The following INO80 variants were observed in gnomAD, a reference collection of about 807,000 sequenced individuals.
INO80 encodes the protein chromatin-remodeling ATPase INO80.
Under a neutral mutation model 203.4 loss-of-function variants are expected in INO80, and 20 were observed. The observed-to-expected ratio is 0.10, with a 90% CI of 0.07 to 0.14. The LOEUF (loss-of-function observed/expected upper bound fraction) is 0.14, where lower values mean the gene tolerates loss of function less well. Ranked by LOEUF, INO80 falls within the 10% of genes least tolerant of loss-of-function variation. The pLI is 1.00. For missense variants in INO80, 1,419 were observed against 1,914.4 expected (o/e 0.74, Z 4.83); for synonymous variants, 726 against 685.2 (o/e 1.06, Z -0.93).
Position 40,979,795 on chromosome 15 carries a change from G to A in INO80, c.*428C>T. ...ACAATCTCCCTTACTAGCCCTATGAGAAATCACACTCTTAAGAGAAATCTC... is the reference window on the plus strand; with the variant it reads ...ACAATCTCCCTTACTAGCCCTATGAAAAATCACACTCTTAAGAGAAATCTC... On this transcript the variant is annotated 3_prime_UTR_variant, in exon 36 of 36. Coordinates refer to ENST00000648947, the MANE Select transcript of INO80 (RefSeq NM_017553.3). 4.9e-6 allele frequency: 1 copy of A among 205,404 alleles called. No individual in the cohort carries two copies. Among genetic ancestry groups the A allele is most frequent in the Admixed American group, 5.3e-5 (1 of 19,026 alleles). The allele number at this position is 205,404 out of a possible 1,614,324, so 12.7% of individuals were successfully genotyped here. A position where few individuals can be genotyped will look rare whatever the true frequency, so the allele number is the denominator to read the frequency against.
chr15:41,008,449 C>T (rs990788105), intron 27 of INO80, among the ~76,000 whole-genome samples: 1 of 151,924 alleles, frequency 6.6e-6, no homozygotes, highest in African/African-American at 2.4e-5. Flanking sequence ...AGATGTTGGT[C>T]AAAGGGTACA....
chr15:41,100,116 C>T (rs968870995), intron 1 of INO80, among the ~76,000 whole-genome samples: 4 of 151,880 alleles, frequency 2.6e-5, no homozygotes, highest in Non-Finnish European at 4.4e-5. Flanking sequence ...GTCTTGTAGC[C>T]GAGGCTGGAA....
chr15:40,989,971 G>A (rs936957636), intron 29 of INO80, among the ~76,000 whole-genome samples: 1 of 152,098 alleles, frequency 6.6e-6, no homozygotes, highest in Non-Finnish European at 1.5e-5. Context: ...AGCTCGCCCT[G>A]TTTTCTCTTG....
intron 24 of INO80, among the ~76,000 whole-genome samples, chr15:41,034,751 G>C (rs562260351): frequency 6.6e-6 from 1 of 152,092 alleles, no homozygotes; most frequent in Non-Finnish European, 1.5e-5. Flanking sequence ...TCTCTTCTCA[G>C]GTTTGTTGGC....
At chr15:41,098,253 T>C (rs1406460039) in intron 1 of INO80, among the ~76,000 whole-genome samples, 1 of 152,202 alleles carries the variant, frequency 6.6e-6, no homozygotes, top group Non-Finnish European at 1.5e-5. Flanking sequence ...GTGTAACTTC[T>C]AGAAAAACCA....
intron 13 of INO80, 48 bp from the exon 14 acceptor site, chr15:41,069,713 T>C: frequency 1.9e-6 from 2 of 1,048,170 alleles, no homozygotes; most frequent in Non-Finnish European, 2.9e-6. Context: ...AGGGAAGGTA[T>C]TTAATTCAAA....
chr15:41,050,239 T>C, intron 19 of INO80, 137 bp from the exon 20 acceptor site: 1 of 579,252 alleles, frequency 1.7e-6, no homozygotes, highest in Non-Finnish European at 3.0e-6. Context: ...TCTATAAACC[T>C]GTGAATGTGG....
intron 24 of INO80, among the ~76,000 whole-genome samples, chr15:41,032,251 T>C (rs2140492105): frequency 6.6e-6 from 1 of 152,356 alleles, no homozygotes; most frequent in South Asian, 2.1e-4. Context: ...CAAAATTAGC[T>C]TTCTACATCT....
At position 40,987,101 on chromosome 15, in the gene INO80, C is replaced by T; in HGVS notation, c.3822G>A (p.Leu1274=). The T allele has an allele frequency of 6.2e-7, 1 of 1,600,812 alleles. No individual in the cohort carries two copies. The highest frequency in any genetic ancestry group is 1.3e-5 in the African/African-American group (1 of 74,714). Residue 1274 remains leucine, a synonymous_variant, in exon 31 of 36, where the codon TTG becomes TTA. Transcript: ENST00000648947. The stretch of plus-strand genomic sequence containing the variant: ...GTTTAGAGTACATACGTTTCTTCTC[C>T]AACTCTTCGTCGTCTAGAAGAAGAC... ...VVSLLLDDEE[L]EKKLRLRQEE...
intron 24 of INO80, among the ~76,000 whole-genome samples, chr15:41,033,259 C>G (rs759574011): frequency 1.3e-5 from 2 of 151,956 alleles, no homozygotes; most frequent in Admixed American, 6.6e-5. Context: ...GGCATATTTA[C>G]GACAGGCTCT....
In INO80 at chr15:40,987,138, T is replaced by C. The variant is rs376769045; in HGVS notation, c.3785A>G (p.Lys1262Arg). 1.1e-5 allele frequency: 17 copies of C among 1,613,646 alleles called. No individual in the cohort carries two copies. The highest frequency in any genetic ancestry group is 1.0e-4 in the Admixed American group (6 of 59,996). The change falls in exon 31 of 36, where the codon AAA becomes AGA. Residue 1262 changes from lysine (K) to arginine (R), a missense_variant. This residue lies in a region of INO80 where 65 missense variants were observed against 186.7 expected (regional missense o/e 0.35). Coordinates refer to ENST00000648947, the MANE Select transcript of INO80 (RefSeq NM_017553.3). ...GTCTAGAAGAAGACTAACCACCTCT[T>C]TGGGTTTCAAGGTATCTGGTTTGAA... ...GNFKPDTLKP[K>R]EVVSLLLDDE...
chr15:40,979,891 C>T lies in INO80; in HGVS notation c.*332G>A, dbSNP rs539904372. 6.0e-6 allele frequency: 2 copies of T among 333,188 alleles called. No homozygotes were observed. The highest frequency in any genetic ancestry group is 1.1e-5 in the Non-Finnish European group (2 of 175,276). 20.6% of individuals were successfully genotyped at this position (333,188 alleles called of 1,614,324 possible). A position where few individuals can be genotyped will look rare whatever the true frequency, so the allele number is the denominator to read the frequency against. On this transcript the variant is annotated 3_prime_UTR_variant, in exon 36 of 36. Coordinates refer to ENST00000648947, the MANE Select transcript of INO80 (RefSeq NM_017553.3). Reference sequence around the variant, plus strand: ...ACGTGTCAGAGCCGAAGAGTGGAATCGGGATGGAAACAGTATGCCTGAGCA... The same window carrying T: ...ACGTGTCAGAGCCGAAGAGTGGAATTGGGATGGAAACAGTATGCCTGAGCA...
chr15:40,992,093 A>G (rs930570717), intron 29 of INO80, among the ~76,000 whole-genome samples: 1 of 152,200 alleles, frequency 6.6e-6, no homozygotes, highest in Non-Finnish European at 1.5e-5. Flanking sequence ...GAAAATTTCT[A>G]GAAGAACAAG....
chr15:41,033,816 C>A (rs2044528530), intron 24 of INO80, among the ~76,000 whole-genome samples: 1 of 152,090 alleles, frequency 6.6e-6, no homozygotes, highest in African/African-American at 2.4e-5. Context: ...CTCTGGGAGG[C>A]CAAGGCGGGA....
intron 27 of INO80, 46 bp downstream of exon 27, chr15:41,016,042 A>T (rs757453930): frequency 2.0e-6 from 3 of 1,531,870 alleles, no homozygotes; most frequent in Non-Finnish European, 2.7e-6. Context: ...GATTCCTACA[A>T]ATTAAATGTC....
At chr15:41,018,512 G>A (rs1342707240) in intron 26 of INO80, 1 of 152,226 alleles carries the variant, frequency 6.6e-6, no homozygotes, top group East Asian at 1.9e-4. Flanking sequence ...GTGGGGAAGG[G>A]AGAAGTGGAT....
At chr15:41,055,825 A>G (rs1031838592) in intron 17 of INO80, among the ~76,000 whole-genome samples, 1 of 152,068 alleles carries the variant, frequency 6.6e-6, no homozygotes, top group Non-Finnish European at 1.5e-5. Context: ...TCACTTATGT[A>G]TTGCCTATGG....
intron 24 of INO80, among the ~76,000 whole-genome samples, chr15:41,042,305 C>G (rs550358385): frequency 6.6e-6 from 1 of 152,082 alleles, no homozygotes; most frequent in Admixed American, 6.6e-5. Context: ...TAAGCCACCA[C>G]GCCCCACCTA....
Position 41,016,080 on chromosome 15 carries a change from T to C in INO80, c.3402+8A>G. ...GGTATCCTAGGTCCCCAAGATTCCC[T>C]CTCCTACCTCCAGTAGGTCTATCAT... is the stretch of plus-strand genomic sequence containing the variant. On this transcript the variant is annotated splice_region_variant and intron_variant, in intron 27 of 35. Coordinates refer to ENST00000648947, the MANE Select transcript of INO80 (RefSeq NM_017553.3). 1 of 1,608,412 alleles carries C rather than the reference T, an allele frequency of 6.2e-7. No homozygotes were observed. The highest frequency in any genetic ancestry group is 8.5e-7 in the Non-Finnish European group (1 of 1,176,548).
Sources: allele counts gnomAD v4.1 joint callset (sites outside exome capture counted in the v4.1 genomes callset), GRCh38; gene constraint gnomAD v4.1.1; regional missense constraint gnomAD v4.1.1; transcripts MANE v1.5; gene names NCBI Gene and HGNC (gene_info 2026-07-23, HGNC 2026-07-21).